Variants in CSMD1 observed in about 807,000 individuals in gnomAD.
CSMD1 encodes the protein CUB and Sushi multiple domains 1.
In CSMD1, 213 loss-of-function variants were observed where a neutral mutation model predicts 417.5. The ratio of observed to expected loss-of-function variants is 0.51; its 90% confidence interval spans 0.46 to 0.57. The LOEUF is 0.57. CSMD1 is among the 20% of genes least tolerant of loss of function. CSMD1 has a pLI of 0.00. For missense variants in CSMD1, 6,923 were observed against 4,529.7 expected (o/e 1.53, Z -15.17); for synonymous variants, 2,862 against 1,736.8 (o/e 1.65, Z -16.11).
At chr8:3,244,211 A>C (rs989592094) in intron 26 of CSMD1, among the ~76,000 whole-genome samples, 1 of 152,180 alleles carries the variant, frequency 6.6e-6, no homozygotes, top group Non-Finnish European at 1.5e-5. Context: ...CAGAGATGCT[A>C]TTGCGAGGCT....
intron 3 of CSMD1, among the ~76,000 whole-genome samples, chr8:4,242,798 G>A (rs1436938963): frequency 6.6e-6 from 1 of 152,106 alleles, no homozygotes; most frequent in Admixed American, 6.5e-5. Context: ...TTATAAAGTT[G>A]GAGGAAACCT....
chr8:4,719,356 G>A (rs999487295), intron 1 of CSMD1, among the ~76,000 whole-genome samples: 1 of 152,082 alleles, frequency 6.6e-6, no homozygotes, highest in East Asian at 1.9e-4. Flanking sequence ...GTGCCAATGC[G>A]CTTGAGCCTG....
intron 68 of CSMD1, among the ~76,000 whole-genome samples, chr8:2,947,929 T>G (rs1410552576): frequency 1.1e-5 from 1 of 93,258 alleles, no homozygotes; most frequent in Non-Finnish European, 2.3e-5. Flanking sequence ...TTAATTATCC[T>G]TTTTTTTTTT....
chr8:4,053,992 C>T (rs2130706887), intron 3 of CSMD1, among the ~76,000 whole-genome samples: 1 of 152,218 alleles, frequency 6.6e-6, no homozygotes, highest in South Asian at 2.1e-4. Context: ...AAGTTAAGAA[C>T]CTGAGATGTA....
chr8:3,018,326 C>T, intron 52 of CSMD1, 151 bp downstream of exon 52: 1 of 677,632 alleles, frequency 1.5e-6, no homozygotes, highest in Admixed American at 2.7e-5. Flanking sequence ...CCTGTAGATA[C>T]TCAAAGAAAA....
chr8:3,644,674 A>G (rs1427176457), intron 7 of CSMD1, among the ~76,000 whole-genome samples: 1 of 152,140 alleles, frequency 6.6e-6, no homozygotes, highest in Non-Finnish European at 1.5e-5. Flanking sequence ...AAGTGGCTGA[A>G]GAAGAGACCC....
intron 1 of CSMD1, among the ~76,000 whole-genome samples, chr8:4,890,730 A>C (rs551228431): frequency 1.3e-5 from 2 of 151,774 alleles, no homozygotes; most frequent in Non-Finnish European, 2.9e-5. Context: ...TGCAAAAGTA[A>C]TTGCGGTGTT....
rs376117864 is a variant in CSMD1 at position 2,998,057 on chromosome 8, C to A, written c.8331G>T (p.Gln2777His). Reference protein sequence around the residue: ...GYLLQGVSRAQCRSNGQWSSP... With the variant: ...GYLLQGVSRAHCRSNGQWSSP... ...TACTCCACTGGCCGTTGCTCCGACA[C>A]TGGGCTCGAGACACGCCCTGCAGCA... Residue 2777 changes from glutamine (Q) to histidine (H), a missense_variant, in exon 54 of 70, where the codon CAG becomes CAT. Physicochemically the swap from Gln to His is conservative, Grantham distance 24. Transcript: ENST00000635120. 3.7e-6 allele frequency: 6 copies of A among 1,613,888 alleles called. No homozygotes were observed. The African/African-American group carries it at 8.0e-5, about 22-fold the overall frequency.
chr8:4,058,392 C>G (rs2554520), intron 3 of CSMD1, among the ~76,000 whole-genome samples: 142,726 of 152,164 alleles, frequency 0.94, 67,004 homozygotes, highest in East Asian at 0.99. Context: ...TTTGTATCCT[C>G]AGACTTTGCT....
chr8:3,737,203 C>T (rs184616849), intron 6 of CSMD1, among the ~76,000 whole-genome samples: 2 of 148,252 alleles, frequency 1.3e-5, no homozygotes, highest in East Asian at 3.9e-4. Flanking sequence ...CAATGACTAT[C>T]GGGAGAAATT....
At chr8:3,327,479 T>C (rs1806609614) in intron 23 of CSMD1, among the ~76,000 whole-genome samples, 1 of 152,190 alleles carries the variant, frequency 6.6e-6, no homozygotes, top group Non-Finnish European at 1.5e-5. Context: ...AGTTTACAAG[T>C]TAATTTTCCT....
intron 3 of CSMD1, among the ~76,000 whole-genome samples, chr8:4,171,678 A>G (rs1345988120): frequency 2.0e-5 from 3 of 149,632 alleles, no homozygotes; most frequent in Non-Finnish European, 4.4e-5. Context: ...CTGGTAGAAT[A>G]TTTAGAACAA....
At chr8:4,901,101 G>C (rs1804841710) in intron 1 of CSMD1, among the ~76,000 whole-genome samples, 1 of 152,234 alleles carries the variant, frequency 6.6e-6, no homozygotes, top group Non-Finnish European at 1.5e-5. Flanking sequence ...TTGGGCAACA[G>C]TATACCCTCG....
intron 1 of CSMD1, among the ~76,000 whole-genome samples, chr8:4,681,797 T>C (rs1034482205): frequency 6.6e-6 from 1 of 152,156 alleles, no homozygotes; most frequent in African/African-American, 2.4e-5. Context: ...GTTATCTAAA[T>C]AATTTTAAGA....
rs753380315 is a variant in CSMD1 at position 3,013,748 on chromosome 8, G to GAAA, written c.8029+4726_8029+4728dup. On this transcript the variant is annotated intron_variant, in intron 52 of 69. Coordinates refer to ENST00000635120, the MANE Select transcript of CSMD1 (RefSeq NM_033225.6). ...CCTGGGCAACTGAGACTCCATCTCA[G>GAAA]AAAAAAAAAAAAAAAATTCCAAACA... Among the ~76,000 whole-genome samples, 821 of 119,760 alleles carry GAAA rather than the reference G, an allele frequency of 6.9e-3. 6 individuals are homozygous for GAAA. The highest frequency in any genetic ancestry group is 0.023 in the African/African-American group (791 of 33,996). 78.6% of individuals were successfully genotyped at this position (119,760 alleles called of 152,430 possible).
Position 4,260,012 on chromosome 8 carries a change from C to G in CSMD1, c.415+159941G>C, listed in dbSNP as rs376548309. ...CTATAAAGCACATCAGTTAACATGTCTTCTTGTGCACACTTTTTTTTTTTT... is the reference window on the plus strand; with the variant it reads ...CTATAAAGCACATCAGTTAACATGTGTTCTTGTGCACACTTTTTTTTTTTT... On this transcript the variant is annotated intron_variant, in intron 3 of 69. Transcript: ENST00000635120. 4.3e-5 allele frequency among the ~76,000 whole-genome samples: 5 copies of G among 116,958 alleles called. No homozygotes were observed. The East Asian group carries it at 1.1e-3, about 25-fold the overall frequency. 76.7% of individuals were successfully genotyped at this position (116,958 alleles called of 152,430 possible). A position where few individuals can be genotyped will look rare whatever the true frequency, so the allele number is the denominator to read the frequency against.
intron 1 of CSMD1, among the ~76,000 whole-genome samples, chr8:4,815,578 C>G (rs1202409686): frequency 6.6e-6 from 1 of 151,464 alleles, no homozygotes; most frequent in South Asian, 2.1e-4. Flanking sequence ...TGCCTGTAAT[C>G]CCAGCTATTT....
intron 1 of CSMD1, among the ~76,000 whole-genome samples, chr8:4,815,480 G>A (rs1177846280): frequency 3.3e-5 from 5 of 151,946 alleles, no homozygotes; most frequent in Non-Finnish European, 7.4e-5. Flanking sequence ...AGCATCACAT[G>A]AGGTCAGGAG....
At chr8:4,118,949 G>A (rs985673810) in intron 3 of CSMD1, among the ~76,000 whole-genome samples, 2 of 152,148 alleles carry the variant, frequency 1.3e-5, no homozygotes, top group Non-Finnish European at 1.5e-5. Context: ...GGGGGACATG[G>A]GTGAAGCTGG....
Sources: gnomAD v4.1 joint callset for allele counts (sites outside exome capture counted in the v4.1 genomes callset) on GRCh38, gnomAD v4.1.1 for gene constraint, MANE v1.5 for transcripts, NCBI Gene and HGNC (gene_info 2026-07-23, HGNC 2026-07-21) for gene names.